The following KAZN variants were observed in gnomAD, a reference collection of about 807,000 sequenced individuals.
KAZN encodes kazrin, periplakin interacting protein.
KAZN carries 40 observed loss-of-function variants against 87.4 expected under a neutral mutation model. That is an observed-to-expected ratio of 0.46 (90% CI 0.36 to 0.60). The LOEUF (loss-of-function observed/expected upper bound fraction) is 0.60. Ranked by LOEUF, KAZN falls within the 20% of genes least tolerant of loss-of-function variation. KAZN has a pLI of 0.00. For synonymous variants in KAZN, 466 were observed against 458.3 expected, an observed-to-expected ratio of 1.02 and a Z score of -0.22; for missense variants, 898 against 1,073.9, an observed-to-expected ratio of 0.84 and a Z score of 2.29.
At chr1:14,519,724 C>T (rs1356981892) in intron 2 of KAZN, among the ~76,000 whole-genome samples, 1 of 152,196 alleles carries the variant, frequency 6.6e-6, no homozygotes, top group Non-Finnish European at 1.5e-5. Context: ...CTGGACCCTG[C>T]ATTACCCCAA....
intron 1 of KAZN, among the ~76,000 whole-genome samples, chr1:14,926,270 A>G (rs1486216969): frequency 6.6e-6 from 1 of 152,206 alleles, no homozygotes; most frequent in East Asian, 1.9e-4. Flanking sequence ...AGTTGTTTTC[A>G]TGTAAACATG....
At chr1:14,564,658 A>AG (rs1193554208) in intron 2 of KAZN, among the ~76,000 whole-genome samples, 11 of 150,660 alleles carry the variant, frequency 7.3e-5, no homozygotes, top group Non-Finnish European at 1.5e-4. Context: ...ACAAAAAAAA[A>AG]AAAAATTAGC....
At position 14,907,652 on chromosome 1, in the gene KAZN, TCTC is replaced by T. The variant is rs147415068; in HGVS notation, c.227-53028_227-53026del. On this transcript the variant is annotated intron_variant, in intron 1 of 14. Coordinates refer to ENST00000376030, the MANE Select transcript of KAZN (RefSeq NM_201628.3). ...GTCCTGAGCTGCTTCCGGAAAGAAGTCTCCTCTGAGCTGGGTTAGAAGGAAAAG... is the reference window on the plus strand; with the variant it reads ...GTCCTGAGCTGCTTCCGGAAAGAAGTCTCTGAGCTGGGTTAGAAGGAAAAG... 9.8e-3 allele frequency among the ~76,000 whole-genome samples: 1,484 copies of T among 152,054 alleles called. 10 individuals are homozygous for T. Among genetic ancestry groups the T allele is most frequent in the Middle Eastern group, 0.017 (5 of 294 alleles).
At chr1:14,171,467 T>C (rs911686333) in intron 1 of KAZN, among the ~76,000 whole-genome samples, 18 of 150,732 alleles carry the variant, frequency 1.2e-4, no homozygotes, top group African/African-American at 4.1e-4. Context: ...TTTTGACTTA[T>C]AGGATGAGTT....
intron 2 of KAZN, among the ~76,000 whole-genome samples, chr1:14,308,160 C>T (rs1166545283): frequency 6.6e-6 from 1 of 152,094 alleles, no homozygotes; most frequent in East Asian, 1.9e-4. Flanking sequence ...CAATTAATTG[C>T]AATGTGTACT....
intron 1 of KAZN, among the ~76,000 whole-genome samples, chr1:14,738,319 C>G (rs760387787): frequency 6.6e-6 from 1 of 152,078 alleles, no homozygotes; most frequent in Non-Finnish European, 1.5e-5. Flanking sequence ...GAGAGGGAAG[C>G]GATCATGCTG....
intron 2 of KAZN, among the ~76,000 whole-genome samples, chr1:14,346,693 G>A (rs1411272578): frequency 2.0e-5 from 3 of 152,114 alleles, no homozygotes; most frequent in Non-Finnish European, 4.4e-5. Flanking sequence ...CCAGGACACA[G>A]GATGTTCAGA....
At chr1:13,942,571 A>T (rs867728063) in intron 1 of KAZN, among the ~76,000 whole-genome samples, 9,564 of 104,314 alleles carry the variant, frequency 0.092, 796 homozygotes, top group African/African-American at 0.24. Flanking sequence ...AAAAAAAAAA[A>T]ATGTATATAT....
chr1:14,417,498 T>C (rs915619183), intron 2 of KAZN, among the ~76,000 whole-genome samples: 1 of 152,174 alleles, frequency 6.6e-6, no homozygotes, highest in Non-Finnish European at 1.5e-5. Context: ...ATTTGTCCAG[T>C]GCCATGGAGT....
At chr1:14,790,789 C>T (rs927171346) in intron 1 of KAZN, among the ~76,000 whole-genome samples, 2 of 152,144 alleles carry the variant, frequency 1.3e-5, no homozygotes, top group East Asian at 1.9e-4. Context: ...TCCTCCCAGG[C>T]TCAAGCGATT....
intron 6 of KAZN, 22 bp downstream of exon 6, chr1:15,060,324 C>A (rs1268209151): frequency 6.2e-7 from 1 of 1,613,414 alleles, no homozygotes; most frequent in African/African-American, 1.3e-5. Flanking sequence ...AGCAGCGGGG[C>A]CTGGGCCCCT....
At chr1:14,524,321 G>A (rs184455258) in intron 2 of KAZN, among the ~76,000 whole-genome samples, 6 of 152,110 alleles carry the variant, frequency 3.9e-5, no homozygotes, top group Admixed American at 2.6e-4. Context: ...CGCACCCAAC[G>A]AAGGTGTGTC....
intron 1 of KAZN, among the ~76,000 whole-genome samples, chr1:14,079,795 T>C (rs927581013): frequency 1.3e-5 from 2 of 152,154 alleles, no homozygotes; most frequent in Non-Finnish European, 2.9e-5. Context: ...CGTGAAGGAA[T>C]AGAGCATATA....
At chr1:14,353,351 A>G (rs1304070431) in intron 2 of KAZN, among the ~76,000 whole-genome samples, 2 of 151,320 alleles carry the variant, frequency 1.3e-5, no homozygotes, top group African/African-American at 4.9e-5. Flanking sequence ...CAGCCTCCCA[A>G]TAGCTGGGAC....
At chr1:14,634,059 T>C (rs1679782254) in intron 1 of KAZN, among the ~76,000 whole-genome samples, 1 of 152,142 alleles carries the variant, frequency 6.6e-6, no homozygotes, top group Non-Finnish European at 1.5e-5. Context: ...TCATGTTAAA[T>C]ATAAATATAG....
chr1:15,037,934 T>C (rs1295210801), intron 3 of KAZN, among the ~76,000 whole-genome samples: 1 of 152,122 alleles, frequency 6.6e-6, no homozygotes, highest in African/African-American at 2.4e-5. Flanking sequence ...TGAGAACACA[T>C]GCCCTGAAGG....
At chr1:14,088,470 A>AT (rs1436271944) in intron 1 of KAZN, among the ~76,000 whole-genome samples, 8 of 151,976 alleles carry the variant, frequency 5.3e-5, no homozygotes, top group Non-Finnish European at 1.2e-4. Flanking sequence ...TTTGTCATAG[A>AT]TTTTTAATTC....
chr1:14,542,282 C>T lies in KAZN; in HGVS notation c.250-56701C>T, dbSNP rs1169306584. Among the ~76,000 whole-genome samples the T allele has an allele frequency of 9.6e-5, 10 of 104,542 alleles. No homozygotes were observed. In the Admixed American group the frequency reaches 1.4e-3, roughly 15 times the overall value. 68.6% of individuals were successfully genotyped at this position (104,542 alleles called of 152,430 possible). Reference sequence around the variant, plus strand: ...ACACAGGAAGGGGAACATCACACACCGGGGACTGTTGTGGGGTGGGGGGAG... The same window carrying T: ...ACACAGGAAGGGGAACATCACACACTGGGGACTGTTGTGGGGTGGGGGGAG... On this transcript the variant is annotated intron_variant, in intron 2 of 16. Transcript: ENST00000636203.
At chr1:14,478,806 T>C (rs574808991) in intron 2 of KAZN, among the ~76,000 whole-genome samples, 1 of 152,288 alleles carries the variant, frequency 6.6e-6, no homozygotes, top group East Asian at 1.9e-4. Context: ...GGCTCTGCTG[T>C]GGTCAGAGTG....
Sources: allele counts gnomAD v4.1 joint callset (sites outside exome capture counted in the v4.1 genomes callset), GRCh38; gene constraint gnomAD v4.1.1; transcripts MANE v1.5; gene names NCBI Gene and HGNC (gene_info 2026-07-23, HGNC 2026-07-21).